The following IPMK variants were observed in gnomAD, a reference collection of about 807,000 sequenced individuals.
IPMK encodes inositol polyphosphate multikinase.
Under a neutral mutation model 45.8 loss-of-function variants are expected in IPMK, and 17 were observed. The observed-to-expected ratio is 0.37, with a 90% confidence interval of 0.25 to 0.56. The LOEUF is 0.56. Ranked by LOEUF, IPMK falls within the 20% of genes least tolerant of loss-of-function variation. The pLI, the probability that IPMK is intolerant of heterozygous loss-of-function variation, is 0.79. For missense variants in IPMK, 399 were observed against 498.0 expected (o/e 0.80, Z 1.89); for synonymous variants, 180 against 184.3 (o/e 0.98, Z 0.19).
chr10:58,236,334 T>C (rs1452020566), intron 2 of IPMK, among the ~76,000 whole-genome samples: 1 of 152,156 alleles, frequency 6.6e-6, no homozygotes, highest in Admixed American at 6.5e-5. Context: ...CAGATAAAGA[T>C]AATATGTGAA....
At chr10:58,255,688 A>G (rs1180479033) in intron 1 of IPMK, among the ~76,000 whole-genome samples, 1 of 151,232 alleles carries the variant, frequency 6.6e-6, no homozygotes, top group Non-Finnish European at 1.5e-5. Flanking sequence ...GGAATTTTCT[A>G]TGATAAACAT....
intron 2 of IPMK, among the ~76,000 whole-genome samples, chr10:58,233,403 T>C (rs888032078): frequency 4.6e-5 from 7 of 152,222 alleles, no homozygotes; most frequent in Non-Finnish European, 8.8e-5. Context: ...CCCTGATGAA[T>C]GTCGATGCAA....
At chr10:58,249,910 C>T (rs145973272) in intron 1 of IPMK, among the ~76,000 whole-genome samples, 1 of 152,106 alleles carries the variant, frequency 6.6e-6, no homozygotes, top group Non-Finnish European at 1.5e-5. Flanking sequence ...TTATGGATAT[C>T]CAGTTTTCCC....
intron 3 of IPMK, among the ~76,000 whole-genome samples, chr10:58,220,739 C>A (rs947135979): frequency 1.3e-5 from 2 of 152,176 alleles, no homozygotes; most frequent in African/African-American, 4.8e-5. Context: ...GTGAAGAAAA[C>A]AGATAAAAAC....
At chr10:58,253,413 A>G (rs1838914146) in intron 1 of IPMK, among the ~76,000 whole-genome samples, 1 of 152,174 alleles carries the variant, frequency 6.6e-6, no homozygotes, top group African/African-American at 2.4e-5. Flanking sequence ...AAATGTCTTT[A>G]TCCTTCCTTT....
At chr10:58,216,056 G>T in intron 4 of IPMK, 89 bp downstream of exon 4, 1 of 816,448 alleles carries the variant, frequency 1.2e-6, no homozygotes, top group Non-Finnish European at 1.8e-6. Flanking sequence ...ATTATTTTCT[G>T]ATATATTAGT....
rs544833606 is a variant in IPMK at position 58,227,114 on chromosome 10, C to T, written c.302G>A (p.Gly101Asp). 4.3e-6 allele frequency: 7 copies of T among 1,612,934 alleles called. No homozygotes were observed. Among genetic ancestry groups the T allele is most frequent in the Admixed American group, 3.3e-5 (2 of 59,942 alleles). ...NMVYAADCFD[G>D]VLLELRKYLP... is the part of the protein sequence containing the mutation. ...ATATTTTCGTAGCTCTAGAAGAACA[C>T]CATCAAAACAGTCAGCAGCATAAAC... Residue 101 changes from glycine to aspartate, a missense_variant, in exon 3 of 6, where the codon GGT becomes GAT. Gly to Asp is a moderately conservative substitution (Grantham distance 94). Transcript: ENST00000373935.
intron 1 of IPMK, among the ~76,000 whole-genome samples, chr10:58,253,587 A>G (rs1003946725): frequency 6.6e-6 from 1 of 151,878 alleles, no homozygotes; most frequent in Non-Finnish European, 1.5e-5. Context: ...AAATACAAAA[A>G]ATTAGCTGGG....
intron 1 of IPMK, among the ~76,000 whole-genome samples, chr10:58,257,372 G>C (rs1838986656): frequency 6.6e-6 from 1 of 152,136 alleles, no homozygotes; most frequent in Non-Finnish European, 1.5e-5. Context: ...GCATGTGCCT[G>C]TAGTCCCAGC....
At chr10:58,199,443 A>G in intron 4 of IPMK, 122 bp from the exon 5 acceptor site, 1 of 554,248 alleles carries the variant, frequency 1.8e-6, no homozygotes. Flanking sequence ...AGATTTGAGA[A>G]GAAAAAAAAA....
intron 1 of IPMK, among the ~76,000 whole-genome samples, chr10:58,243,041 T>C (rs1156264640): frequency 6.6e-6 from 1 of 152,198 alleles, no homozygotes; most frequent in Non-Finnish European, 1.5e-5. Context: ...CTCTACAGTC[T>C]GTGGGACTGA....
intron 1 of IPMK, among the ~76,000 whole-genome samples, chr10:58,260,923 AAATCTG>A (rs1410214832): frequency 1.3e-5 from 2 of 152,190 alleles, no homozygotes; most frequent in Non-Finnish European, 2.9e-5. Flanking sequence ...AGTTGATTTA[AAATCTG>A]TATGTAAATG....
Position 58,194,191 on chromosome 10 carries a change from C to CA in IPMK, c.*1884dup, listed in dbSNP as rs1349830919. ...GTACATAGGTTGATATCATCCCATA[C>CA]AAAAAAAGCCTCAGTATCTTGTTAA... On this transcript the variant is annotated 3_prime_UTR_variant, in exon 6 of 6. Transcript: ENST00000373935. 5.3e-5 allele frequency: 8 copies of CA among 151,502 alleles called. No homozygotes were observed. Among genetic ancestry groups the CA allele is most frequent in the Non-Finnish European group, 3.0e-5 (2 of 67,686 alleles). The allele number at this position is 151,502 out of a possible 1,614,324, so 9.4% of individuals were successfully genotyped here. A position where few individuals can be genotyped will look rare whatever the true frequency, so the allele number is the denominator to read the frequency against.
Position 58,229,417 on chromosome 10 carries a change from G to C in IPMK, c.277-2278C>G, listed in dbSNP as rs186921142. ...GTCTCTACCAAAAATACAAAAATTA[G>C]CTGGGCTGGGCGGCATGCACCTGTA... On this transcript the variant is annotated intron_variant, in intron 2 of 5. Transcript: ENST00000373935. 8.3e-4 allele frequency among the ~76,000 whole-genome samples: 126 copies of C among 152,024 alleles called. 1 individual carries two copies. Among genetic ancestry groups the C allele is most frequent in the Admixed American group, 5.8e-3 (89 of 15,272 alleles).
intron 1 of IPMK, among the ~76,000 whole-genome samples, chr10:58,261,410 C>A (rs551572874): frequency 1.6e-4 from 25 of 151,568 alleles, no homozygotes; most frequent in Non-Finnish European, 2.7e-4. Flanking sequence ...TTTTTGGAAG[C>A]ATGTTAATGT....
chr10:58,209,376 T>C (rs1172470199), intron 4 of IPMK, among the ~76,000 whole-genome samples: 1 of 152,212 alleles, frequency 6.6e-6, no homozygotes, highest in Non-Finnish European at 1.5e-5. Context: ...TGTGAGAAAC[T>C]ACCCACCAGT....
rs1474293207 is a variant in IPMK, at chr10:58,267,263, C to A, written c.190+159G>T. Among the ~76,000 whole-genome samples the A allele has an allele frequency of 2.0e-5, 3 of 152,202 alleles. No individual in the cohort carries two copies. The South Asian group carries it at 6.2e-4, about 31-fold the overall frequency. On this transcript the variant is annotated intron_variant, in intron 1 of 5. Transcript: ENST00000373935. ...TCCCACTTTCCGAGCCCCTTCTGCT[C>A]GAGTGGCGAGGCTTCGGGGGACAGC...
At chr10:58,260,269 A>T (rs576780417) in intron 1 of IPMK, among the ~76,000 whole-genome samples, 2 of 152,334 alleles carry the variant, frequency 1.3e-5, no homozygotes, top group South Asian at 4.1e-4. Flanking sequence ...TGAAAGATAC[A>T]GAAAGAAGAA....
At chr10:58,250,684 A>G (rs1278647769) in intron 1 of IPMK, among the ~76,000 whole-genome samples, 1 of 152,094 alleles carries the variant, frequency 6.6e-6, no homozygotes, top group Admixed American at 6.6e-5. Flanking sequence ...TCTGACTAGG[A>G]CTTCCACTCC....
Sources: allele counts gnomAD v4.1 joint callset (sites outside exome capture counted in the v4.1 genomes callset), GRCh38; gene constraint gnomAD v4.1.1; transcripts MANE v1.5; gene names NCBI Gene and HGNC (gene_info 2026-07-23, HGNC 2026-07-21).